F13A1: variants seen among roughly 807,000 people sequenced by gnomAD.
F13A1 encodes the protein FSF, A subunit.
Under a neutral mutation model 80.1 loss-of-function variants are expected in F13A1, and 47 were observed. The observed-to-expected ratio is 0.59, with a 90% CI of 0.46 to 0.75. The LOEUF (loss-of-function observed/expected upper bound fraction) is 0.75, where lower values mean the gene tolerates loss of function less well. Ranked by LOEUF, F13A1 falls within the 30% of genes least tolerant of loss-of-function variation. The pLI is 0.00. For missense variants in F13A1, 817 were observed against 930.4 expected (o/e 0.88, Z 1.59); for synonymous variants, 349 against 344.9 (o/e 1.01, Z -0.13).
chr6:6,145,898 ACT>A, intron 14 of F13A1, 126 bp from the exon 15 acceptor site: 2 of 1,267,498 alleles, frequency 1.6e-6, no homozygotes, highest in East Asian at 2.4e-5. Context: ...GACACTGAAG[ACT>A]CTCACTGGCT....
At position 6,313,985 on chromosome 6, in the gene F13A1, T is replaced by A. The variant is rs9504751; in HGVS notation, c.130+4550A>T. ...CTCCTGTTCTCCATTTTCTCCTTACTCTTTTTTTTTTTTGAAACGGAGTCT... is the reference window on the plus strand; with the variant it reads ...CTCCTGTTCTCCATTTTCTCCTTACACTTTTTTTTTTTTGAAACGGAGTCT... On this transcript the variant is annotated intron_variant, in intron 2 of 14. Coordinates refer to ENST00000264870, the MANE Select transcript of F13A1 (RefSeq NM_000129.4). Among the ~76,000 whole-genome samples the A allele has an allele frequency of 5.8e-3, 80 of 13,766 alleles. 3 individuals are homozygous for A. Among genetic ancestry groups the A allele is most frequent in the Middle Eastern group, 0.029 (1 of 34 alleles). The allele number at this position is 13,766 out of a possible 152,430, so 9.0% of individuals were successfully genotyped here.
At chr6:6,199,291 C>T (rs1293507486) in intron 8 of F13A1, among the ~76,000 whole-genome samples, 2 of 152,104 alleles carry the variant, frequency 1.3e-5, no homozygotes, top group East Asian at 1.9e-4. Flanking sequence ...AGATCGAGAC[C>T]ATCCTGGTTA....
intron 8 of F13A1, among the ~76,000 whole-genome samples, chr6:6,211,340 G>T (rs1306631484): frequency 1.3e-5 from 2 of 152,204 alleles, no homozygotes; most frequent in Non-Finnish European, 2.9e-5. Context: ...AAGGCTCATG[G>T]TCTAACTCCA....
chr6:6,299,865 C>A (rs1038046110), intron 3 of F13A1, among the ~76,000 whole-genome samples: 4 of 147,418 alleles, frequency 2.7e-5, no homozygotes, highest in Non-Finnish European at 5.9e-5. Flanking sequence ...CTGTTTTTTC[C>A]CCATCTTTGT....
intron 10 of F13A1, among the ~76,000 whole-genome samples, chr6:6,188,944 T>C (rs1761130327): frequency 4.7e-5 from 3 of 64,434 alleles, no homozygotes; most frequent in Non-Finnish European, 7.9e-5. Context: ...TAGTTAGCTC[T>C]TCTTGTTGAA....
intron 10 of F13A1, among the ~76,000 whole-genome samples, chr6:6,191,728 T>G (rs1226157587): frequency 6.6e-6 from 1 of 152,226 alleles, no homozygotes. Context: ...CAAGTGGAGA[T>G]AACCTTGTCT....
At chr6:6,193,503 C>T (rs1247739127) in intron 10 of F13A1, among the ~76,000 whole-genome samples, 1 of 152,186 alleles carries the variant, frequency 6.6e-6, no homozygotes, top group Non-Finnish European at 1.5e-5. Flanking sequence ...ATACACTTTT[C>T]ATCAACTCAA....
At chr6:6,255,121 C>T (rs1055735656) in intron 4 of F13A1, among the ~76,000 whole-genome samples, 2 of 152,086 alleles carry the variant, frequency 1.3e-5, no homozygotes, top group African/African-American at 2.4e-5. Flanking sequence ...TCCCTTAGTG[C>T]CCTATGGAGG....
At chr6:6,225,500 T>TTC (rs149464781) in intron 6 of F13A1, among the ~76,000 whole-genome samples, 65 of 146,036 alleles carry the variant, frequency 4.5e-4, no homozygotes, top group African/African-American at 8.5e-4. Context: ...TTCTTTTCTT[T>TTC]TCTCTCTCTC....
At chr6:6,145,938 G>T (rs1393512774) in intron 14 of F13A1, among the ~76,000 whole-genome samples, 166 bp from the exon 15 acceptor site, 1 of 152,118 alleles carries the variant, frequency 6.6e-6, no homozygotes, top group Non-Finnish European at 1.5e-5. Context: ...CCCAAATGAG[G>T]CCCCCACATA....
intron 11 of F13A1, among the ~76,000 whole-genome samples, chr6:6,177,885 G>C (rs1053064806): frequency 2.0e-5 from 3 of 152,170 alleles, no homozygotes; most frequent in East Asian, 3.9e-4. Flanking sequence ...GGATGCAGGT[G>C]GGGGGCTTGG....
Position 6,266,688 on chromosome 6 carries a change from G to C in F13A1, c.441C>G (p.Ile147Met). The C allele has an allele frequency of 6.2e-7, 1 of 1,614,206 alleles. No homozygotes were observed. The highest frequency in any genetic ancestry group is 8.5e-7 in the Non-Finnish European group (1 of 1,180,046). Residue 147 changes from isoleucine (I) to methionine (M), a missense_variant, in exon 4 of 15, where the codon ATC (isoleucine) becomes ATG (methionine). Coordinates refer to ENST00000264870, the MANE Select transcript of F13A1 (RefSeq NM_000129.4). ...MREDRSVRLS[I>M]QSSPKCIVGK... The stretch of plus-strand genomic sequence containing the variant: ...CCACAATACATTTGGGGGAAGACTG[G>C]ATGGACAGCCGCACAGACCTGTCCT...
chr6:6,289,300 C>G (rs532697434), intron 3 of F13A1, among the ~76,000 whole-genome samples: 2 of 152,262 alleles, frequency 1.3e-5, no homozygotes, highest in East Asian at 3.9e-4. Flanking sequence ...TCATTTAGCC[C>G]TTTAATCACG....
At chr6:6,209,323 T>TTAA (rs1554100682) in intron 8 of F13A1, among the ~76,000 whole-genome samples, 1 of 131,784 alleles carries the variant, frequency 7.6e-6, no homozygotes, top group African/African-American at 2.7e-5. Flanking sequence ...CAATAATAAT[T>TTAA]AAAAAAAAAA....
intron 3 of F13A1, among the ~76,000 whole-genome samples, chr6:6,268,472 T>A (rs1757875408): frequency 6.6e-6 from 1 of 152,188 alleles, no homozygotes; most frequent in Non-Finnish European, 1.5e-5. Flanking sequence ...GGCAGCTGTG[T>A]GAGTTGAAAA....
At chr6:6,184,784 G>A (rs3799557) in intron 10 of F13A1, among the ~76,000 whole-genome samples, 26,067 of 152,204 alleles carry the variant, frequency 0.17, 2,475 homozygotes, top group South Asian at 0.3. Context: ...CCTGTAGGCT[G>A]AAATCTCAGG....
chr6:6,297,680 G>A (rs1758352513), intron 3 of F13A1, among the ~76,000 whole-genome samples: 1 of 148,668 alleles, frequency 6.7e-6, no homozygotes, highest in African/African-American at 2.6e-5. Context: ...CAATTTTGTT[G>A]ATCCTTTCAA....
At chr6:6,198,190 T>A (rs1761325351) in intron 8 of F13A1, among the ~76,000 whole-genome samples, 1 of 152,152 alleles carries the variant, frequency 6.6e-6, no homozygotes, top group South Asian at 2.1e-4. Flanking sequence ...TCAGGGTGAA[T>A]CTCTCTTTAC....
chr6:6,197,470 G>A (rs1761312179), intron 8 of F13A1, 144 bp from the exon 9 acceptor site: 2 of 732,748 alleles, frequency 2.7e-6, no homozygotes, highest in Non-Finnish European at 4.8e-6. Flanking sequence ...ACAAGGTCAA[G>A]ACATCAAGAC....
Sources: allele counts gnomAD v4.1 joint callset (sites outside exome capture counted in the v4.1 genomes callset), GRCh38; gene constraint gnomAD v4.1.1; transcripts MANE v1.5; gene names NCBI Gene and HGNC (gene_info 2026-07-23, HGNC 2026-07-21).